Variants in CCDC7 observed in about 807,000 individuals in gnomAD.
The protein encoded by CCDC7 is coiled-coil domain containing 7.
CCDC7 carries 183 observed loss-of-function variants against 196.9 expected under a neutral mutation model. The observed-to-expected ratio is 0.93, with a 90% CI of 0.82 to 1.05. CCDC7 has a LOEUF of 1.05. CCDC7 is among the 50% of genes least tolerant of loss of function. The pLI is 0.00. For missense variants in CCDC7, 1,540 were observed against 1,482.2 expected (o/e 1.04, Z -0.64); for synonymous variants, 525 against 484.6 (o/e 1.08, Z -1.10).
intron 20 of CCDC7, among the ~76,000 whole-genome samples, chr10:32,658,409 G>A (rs2070447917): frequency 6.6e-6 from 1 of 151,064 alleles, no homozygotes; most frequent in Admixed American, 6.6e-5. Context: ...GCAGGAGAGA[G>A]AAGTGCTGTG....
chr10:32,780,627 A>G (rs1431391243), intron 29 of CCDC7, among the ~76,000 whole-genome samples: 2 of 152,278 alleles, frequency 1.3e-5, no homozygotes, highest in East Asian at 1.9e-4. Context: ...GAAAATATCT[A>G]TGGTGCATGC....
intron 24 of CCDC7, among the ~76,000 whole-genome samples, chr10:32,697,370 G>C (rs1169630487): frequency 2.0e-5 from 3 of 152,092 alleles, no homozygotes; most frequent in Non-Finnish European, 4.4e-5. Flanking sequence ...CAAAATGGCA[G>C]GACATCGCCT....
chr10:32,511,623 T>A (rs988098794), intron 9 of CCDC7: 1 of 1,587,010 alleles, frequency 6.3e-7, no homozygotes, highest in African/African-American at 1.3e-5. Context: ...AACTCATTTC[T>A]AGAAACAGAC....
At chr10:32,680,324 G>T (rs899760634) in intron 21 of CCDC7, among the ~76,000 whole-genome samples, 35 of 152,110 alleles carry the variant, frequency 2.3e-4, no homozygotes, top group African/African-American at 8.5e-4. Context: ...TAAGTCAGTG[G>T]GGTTGCACAT....
intron 9 of CCDC7, among the ~76,000 whole-genome samples, chr10:32,500,339 C>G (rs1297512636): frequency 6.6e-6 from 1 of 151,346 alleles, no homozygotes; most frequent in Non-Finnish European, 1.5e-5. Flanking sequence ...ACGGGGCGGC[C>G]GGTCAGAGAC....
intron 31 of CCDC7, among the ~76,000 whole-genome samples, chr10:32,818,644 G>C (rs1002860728): frequency 6.6e-6 from 1 of 152,166 alleles, no homozygotes; most frequent in African/African-American, 2.4e-5. Context: ...CTGTCTCTCA[G>C]ACCACAGTGT....
chr10:32,515,250 A>C (rs1312250844), intron 9 of CCDC7, among the ~76,000 whole-genome samples: 1 of 152,238 alleles, frequency 6.6e-6, no homozygotes, highest in East Asian at 1.9e-4. Context: ...GTGGAAGTGC[A>C]AGGAAGCTAG....
intron 19 of CCDC7, among the ~76,000 whole-genome samples, chr10:32,634,638 AC>A (rs1367547128): frequency 4.6e-5 from 7 of 152,100 alleles, no homozygotes; most frequent in African/African-American, 1.7e-4. Context: ...CTCGTGATCC[AC>A]CCACCTTGGC....
chr10:32,610,589 C>T (rs1001220866), intron 18 of CCDC7, among the ~76,000 whole-genome samples: 1 of 152,136 alleles, frequency 6.6e-6, no homozygotes, highest in Non-Finnish European at 1.5e-5. Context: ...ACCCCCACAA[C>T]AGGCCCTGGT....
In CCDC7 at chr10:32,764,512, C is replaced by T. The variant is rs548322662; in HGVS notation, c.2906-14465C>T. On this transcript the variant is annotated intron_variant, in intron 28 of 41. Transcript: ENST00000639629. ...GCATGGAGGTTAGAAAGGACTGTAACGGTCAGTTTGGTTGGCTGAAAATGG... is the reference window on the plus strand; with the variant it reads ...GCATGGAGGTTAGAAAGGACTGTAATGGTCAGTTTGGTTGGCTGAAAATGG... Among the ~76,000 whole-genome samples, 674 of 151,872 alleles carry T rather than the reference C, an allele frequency of 4.4e-3. 3 individuals are homozygous for T. Among genetic ancestry groups the T allele is most frequent in the Non-Finnish European group, 6.2e-3 (420 of 67,894 alleles).
At chr10:32,704,320 A>T (rs986672285) in intron 24 of CCDC7, among the ~76,000 whole-genome samples, 2 of 152,148 alleles carry the variant, frequency 1.3e-5, no homozygotes, top group Admixed American at 1.3e-4. Flanking sequence ...GCTGCAGAAC[A>T]GTGGATATTG....
chr10:32,604,956 T>TA (rs1476234285), intron 18 of CCDC7, among the ~76,000 whole-genome samples: 2 of 152,210 alleles, frequency 1.3e-5, no homozygotes, highest in African/African-American at 4.8e-5. Context: ...ATGGTTTAGA[T>TA]ATTTGTCCCA....
intron 28 of CCDC7, among the ~76,000 whole-genome samples, chr10:32,753,962 G>A (rs55673179): frequency 0.05 from 7,612 of 151,622 alleles, 625 homozygotes; most frequent in African/African-American, 0.17. Context: ...TTAACGTGTT[G>A]GAGAAAATCT....
intron 13 of CCDC7, among the ~76,000 whole-genome samples, chr10:32,560,140 C>T (rs1284910880): frequency 6.6e-5 from 10 of 152,030 alleles, no homozygotes; most frequent in South Asian, 2.1e-4. Flanking sequence ...TAAAAAGAAA[C>T]GAACAAAGCC....
chr10:32,454,580 A>G (rs1275597401), intron 2 of CCDC7, among the ~76,000 whole-genome samples: 3 of 151,966 alleles, frequency 2.0e-5, no homozygotes, highest in Non-Finnish European at 2.9e-5. Context: ...CAAAAGTTAA[A>G]AAAAAAACCA....
At chr10:32,704,889 C>G (rs760691615) in intron 24 of CCDC7, among the ~76,000 whole-genome samples, 1 of 152,094 alleles carries the variant, frequency 6.6e-6, no homozygotes, top group South Asian at 2.1e-4. Flanking sequence ...GGGAGTGACT[C>G]GATTTTCCAG....
chr10:32,653,027 A>G (rs928863656), intron 20 of CCDC7, among the ~76,000 whole-genome samples: 1 of 152,238 alleles, frequency 6.6e-6, no homozygotes, highest in Non-Finnish European at 1.5e-5. Context: ...TGTCTAGGAA[A>G]GTCGTTATCT....
rs141600216 is a variant in CCDC7 at position 32,616,824 on chromosome 10, A to G, written c.1802-17430A>G. ...CATATATTACCTGTTATGTTGAAGT[A>G]TGCTTTTTTTATGCCTAGTTTGTTG... On this transcript the variant is annotated intron_variant, in intron 18 of 41. Coordinates refer to ENST00000639629, the Ensembl canonical transcript of CCDC7. 6.6e-3 allele frequency among the ~76,000 whole-genome samples: 1,004 copies of G among 151,970 alleles called. 8 individuals carry two copies. The highest frequency in any genetic ancestry group is 0.022 in the African/African-American group (899 of 41,524).
chr10:32,677,721 G>T (rs2075246453), intron 21 of CCDC7, among the ~76,000 whole-genome samples: 1 of 151,894 alleles, frequency 6.6e-6, no homozygotes, highest in Non-Finnish European at 1.5e-5. Context: ...GATCCTTTGT[G>T]TTTCGTGTAT....
Sources: allele counts gnomAD v4.1 joint callset (sites outside exome capture counted in the v4.1 genomes callset), GRCh38; gene constraint gnomAD v4.1.1; transcripts MANE v1.5; gene names NCBI Gene and HGNC (gene_info 2026-07-23, HGNC 2026-07-21).